Variants in ING3 observed in about 807,000 individuals in gnomAD.
ING3 encodes the protein inhibitor of growth protein 3.
In ING3, 6 loss-of-function variants were observed where a neutral mutation model predicts 64.8. That is an observed-to-expected ratio of 0.09 (90% CI 0.05 to 0.18). The LOEUF (loss-of-function observed/expected upper bound fraction) is 0.18, where lower values mean the gene tolerates loss of function less well. ING3 is among the 10% of genes least tolerant of loss of function. ING3 has a pLI of 1.00. For missense variants in ING3, 310 were observed against 489.7 expected (o/e 0.63, Z 3.46); for synonymous variants, 170 against 173.7 (o/e 0.98, Z 0.17).
chr7:120,951,033 C>A (rs1047365674), intron 1 of ING3, 109 bp downstream of exon 1: 2 of 1,516,822 alleles, frequency 1.3e-6, no homozygotes, highest in Non-Finnish European at 1.8e-6. Context: ...GGGGATGTTT[C>A]TTTCTCACGG....
intron 4 of ING3, among the ~76,000 whole-genome samples, chr7:120,964,239 C>T (rs1795970249): frequency 6.6e-6 from 1 of 152,168 alleles, no homozygotes; most frequent in Admixed American, 6.5e-5. Context: ...GATTCACTCT[C>T]ATGCCTTAGA....
chr7:120,970,191 C>T (rs1056112838), intron 9 of ING3, among the ~76,000 whole-genome samples: 23 of 151,924 alleles, frequency 1.5e-4, no homozygotes, highest in African/African-American at 5.1e-4. Flanking sequence ...AGTGGCTGGG[C>T]GGGGTGGCTC....
intron 2 of ING3, among the ~76,000 whole-genome samples, chr7:120,951,534 G>A (rs771960277): frequency 6.6e-6 from 1 of 152,188 alleles, no homozygotes; most frequent in Non-Finnish European, 1.5e-5. Context: ...ATGTTTCAAT[G>A]GACGTCAGCA....
At chr7:120,966,170 T>A (rs1205221066) in intron 5 of ING3, among the ~76,000 whole-genome samples, 1 of 152,236 alleles carries the variant, frequency 6.6e-6, no homozygotes, top group East Asian at 1.9e-4. Flanking sequence ...TTAGGAAGTC[T>A]TTATTATCAT....
intron 3 of ING3, among the ~76,000 whole-genome samples, chr7:120,953,975 A>C (rs1795806047): frequency 6.6e-6 from 1 of 152,210 alleles, no homozygotes; most frequent in South Asian, 2.1e-4. Flanking sequence ...TTGCTTTGAA[A>C]GTATGATTGA....
chr7:120,953,845 A>G (rs941816980), intron 3 of ING3, among the ~76,000 whole-genome samples: 8 of 152,240 alleles, frequency 5.3e-5, no homozygotes, highest in African/African-American at 1.7e-4. Context: ...CTTCTAGTTT[A>G]AACTCTAAAT....
intron 1 of ING3, 101 bp from the exon 2 acceptor site, chr7:120,951,063 G>T (rs1451670041): frequency 1.3e-6 from 2 of 1,505,046 alleles, no homozygotes; most frequent in Non-Finnish European, 9.2e-7. Flanking sequence ...GCCTCGTTGT[G>T]GGCTGCCGGC....
At position 120,975,871 on chromosome 7, in the gene ING3, A is replaced by G. The variant is rs545146848; in HGVS notation, c.*1027A>G. 7.2e-5 allele frequency: 11 copies of G among 152,302 alleles called. No homozygotes were observed. The highest frequency in any genetic ancestry group is 2.6e-4 in the African/African-American group (11 of 41,584). The allele number at this position is 152,302 out of a possible 1,614,324, so 9.4% of individuals were successfully genotyped here. A position where few individuals can be genotyped will look rare whatever the true frequency, so the allele number is the denominator to read the frequency against. On this transcript the variant is annotated 3_prime_UTR_variant, in exon 12 of 12. Transcript: ENST00000315870. ...GCCAATGTATTTTTTTAAGAACATCATCTGGCTTTTCCTTCAGTCTAAAAG... is the reference window on the plus strand; with the variant it reads ...GCCAATGTATTTTTTTAAGAACATCGTCTGGCTTTTCCTTCAGTCTAAAAG...
intron 4 of ING3, among the ~76,000 whole-genome samples, chr7:120,959,050 A>G (rs1472943421): frequency 1.3e-5 from 2 of 152,124 alleles, no homozygotes; most frequent in African/African-American, 2.4e-5. Flanking sequence ...TTGTCTTGCC[A>G]TTCTTGACCT....
At chr7:120,968,959 G>T (rs1796033049) in intron 8 of ING3, 52 bp from the exon 9 acceptor site, 2 of 1,104,922 alleles carry the variant, frequency 1.8e-6, no homozygotes, top group South Asian at 2.2e-5. Flanking sequence ...ACTTGAAAAA[G>T]AAAATCTACA....
intron 4 of ING3, chr7:120,956,196 G>C (rs757914810): frequency 6.2e-7 from 1 of 1,608,320 alleles, no homozygotes; most frequent in South Asian, 1.1e-5. Context: ...CAAGAAGATA[G>C]ATAGAATATT....
chr7:120,958,195 T>C (rs1795879834), intron 4 of ING3, among the ~76,000 whole-genome samples: 1 of 151,828 alleles, frequency 6.6e-6, no homozygotes, highest in Admixed American at 6.6e-5. Flanking sequence ...TCTACCCTCT[T>C]CCTTTTTATT....
chr7:120,953,917 T>C (rs1795805412), intron 3 of ING3, among the ~76,000 whole-genome samples: 1 of 152,228 alleles, frequency 6.6e-6, no homozygotes, highest in South Asian at 2.1e-4. Flanking sequence ...TTATAGTGGC[T>C]ATAGCTGTCT....
At position 120,976,383 on chromosome 7, in the gene ING3, C is replaced by G. The variant is rs899895722; in HGVS notation, c.*1539C>G. The G allele has an allele frequency of 2.6e-5, 4 of 152,118 alleles. No homozygotes were observed. Among genetic ancestry groups the G allele is most frequent in the Admixed American group, 2.0e-4 (3 of 15,274 alleles). The allele number at this position is 152,118 out of a possible 1,614,324, so 9.4% of individuals were successfully genotyped here. A position where few individuals can be genotyped will look rare whatever the true frequency, so the allele number is the denominator to read the frequency against. On this transcript the variant is annotated 3_prime_UTR_variant, in exon 12 of 12. Transcript: ENST00000315870. ...GGTAGATAGGGGATTTCAAAGATCT[C>G]TTCCACCTTTGAGATCCCATGATTC...
At chr7:120,961,660 T>G (rs931258904) in intron 4 of ING3, among the ~76,000 whole-genome samples, 2 of 152,232 alleles carry the variant, frequency 1.3e-5, no homozygotes, top group Non-Finnish European at 2.9e-5. Flanking sequence ...CAAGTATGAC[T>G]TAAATTTGCT....
At chr7:120,966,348 G>T (rs1327353625) in intron 5 of ING3, among the ~76,000 whole-genome samples, 4 of 152,118 alleles carry the variant, frequency 2.6e-5, no homozygotes, top group Admixed American at 1.3e-4. Context: ...ACCCACTATG[G>T]TGAATTCCCT....
chr7:120,968,578 C>T (rs777846802), intron 8 of ING3, among the ~76,000 whole-genome samples: 2 of 152,152 alleles, frequency 1.3e-5, no homozygotes, highest in Non-Finnish European at 2.9e-5. Context: ...GGCATGGTGA[C>T]TCACACCTGT....
chr7:120,963,060 A>C (rs185947073), intron 4 of ING3, among the ~76,000 whole-genome samples: 9 of 152,238 alleles, frequency 5.9e-5, no homozygotes, highest in Admixed American at 3.3e-4. Context: ...TTTTCGTTGC[A>C]TTAGTGGTCT....
At position 120,970,727 on chromosome 7, in the gene ING3, C is replaced by T; in HGVS notation, c.948C>T (p.Ser316=). 8 of 1,612,884 alleles carry T rather than the reference C, an allele frequency of 5.0e-6. No homozygotes were observed. Among genetic ancestry groups the T allele is most frequent in the Non-Finnish European group, 6.8e-6 (8 of 1,178,960 alleles). Residue 316 remains serine (S), a synonymous_variant, in exon 10 of 12, where the codon TCC becomes TCT. Coordinates refer to ENST00000315870, the MANE Select transcript of ING3 (RefSeq NM_019071.3). The part of the protein sequence containing the change: ...NKSSSQQSSS[S]SSSSSLSSCS... ...CTTCAAGCCAGCAGTCATCATCTTC[C>T]TCCTCCTCTTCTTCCTTATCATCGT...
Sources: allele counts gnomAD v4.1 joint callset (sites outside exome capture counted in the v4.1 genomes callset), GRCh38; gene constraint gnomAD v4.1.1; transcripts MANE v1.5; gene names NCBI Gene and HGNC (gene_info 2026-07-23, HGNC 2026-07-21).